CRACD: variants seen among roughly 807,000 people sequenced by gnomAD.
CRACD encodes the protein capping protein-inhibiting regulator of actin dynamics.
Under a neutral mutation model 106.8 loss-of-function variants are expected in CRACD, and 56 were observed. The ratio of observed to expected loss-of-function variants is 0.52; its 90% CI spans 0.42 to 0.66. The LOEUF is 0.66. Among genes scored for constraint, CRACD ranks in the 30% least tolerant of loss-of-function variants. The pLI, the probability that CRACD is intolerant of heterozygous loss-of-function variation, is 0.00. For missense variants in CRACD, 1,730 were observed against 1,623.2 expected, an observed-to-expected ratio of 1.07 and a Z score of -1.13; for synonymous variants, 754 against 670.8, an observed-to-expected ratio of 1.12 and a Z score of -1.92.
At chr4:56,130,770 A>C (rs564807438) in intron 1 of CRACD, among the ~76,000 whole-genome samples, 43 of 152,088 alleles carry the variant, frequency 2.8e-4, no homozygotes, top group Non-Finnish European at 5.4e-4. Flanking sequence ...AACCTTATTT[A>C]CATTTTCCTT....
chr4:56,083,382 A>AAAATAC (rs1733102102), intron 1 of CRACD, among the ~76,000 whole-genome samples: 1 of 152,236 alleles, frequency 6.6e-6, no homozygotes, highest in Admixed American at 6.5e-5. Context: ...GGCTGCCAAA[A>AAAATAC]GTGGTTATTT....
intron 1 of CRACD, among the ~76,000 whole-genome samples, chr4:56,108,495 C>T (rs906624249): frequency 2.0e-5 from 3 of 152,150 alleles, no homozygotes; most frequent in Admixed American, 6.5e-5. Context: ...GTGTTCTCCC[C>T]GTGTGCGGAG....
intron 1 of CRACD, among the ~76,000 whole-genome samples, chr4:56,064,362 G>T (rs1000391643): frequency 6.6e-6 from 1 of 152,214 alleles, no homozygotes; most frequent in Non-Finnish European, 1.5e-5. Flanking sequence ...GAATGTGAAA[G>T]AGGATTAATG....
chr4:56,314,374 A>C lies in CRACD; in HGVS notation c.872A>C (p.Gln291Pro). The C allele has an allele frequency of 6.5e-7, 1 of 1,544,356 alleles. No homozygotes were observed. The highest frequency in any genetic ancestry group is 8.7e-7 in the Non-Finnish European group (1 of 1,145,000). The change falls in exon 8 of 11, where the codon CAG (glutamine) becomes CCG (proline). Residue 291 changes from glutamine (Q) to proline (P), a missense_variant. Around this residue, in one of 5 missense-constraint regions of CRACD, gnomAD observed 1,620 missense variants for 1,481.6 expected, o/e 1.09. Coordinates refer to ENST00000682029, the MANE Select transcript of CRACD (RefSeq NM_001393381.1). The surrounding 1 kb of genome is among the most constrained non-coding windows in gnomAD (Gnocchi z 4.4). ...GCGGAAAGGGCGCCGCGGGAAGAGC[A>C]GCAGCGGAGCCTGGAAGCGCCAGGT... Reference protein sequence around the residue: ...LEAERAPREEQQRSLEAPGWE... With the variant: ...LEAERAPREEPQRSLEAPGWE...
At chr4:56,197,240 GA>G (rs1737653654) in intron 2 of CRACD, among the ~76,000 whole-genome samples, 1 of 151,194 alleles carries the variant, frequency 6.6e-6, no homozygotes, top group East Asian at 1.9e-4. Flanking sequence ...TCGATGATTG[GA>G]TTTATCACAC....
At chr4:56,239,981 GT>G (rs1312406644) in intron 2 of CRACD, among the ~76,000 whole-genome samples, 1 of 151,622 alleles carries the variant, frequency 6.6e-6, no homozygotes, top group East Asian at 1.9e-4. Flanking sequence ...CCTATGACAG[GT>G]TTTTTTTAAC....
chr4:56,192,640 C>A (rs1295490723), intron 2 of CRACD, among the ~76,000 whole-genome samples: 10 of 151,898 alleles, frequency 6.6e-5, no homozygotes, highest in Non-Finnish European at 1.3e-4. Flanking sequence ...CTAATATATA[C>A]CATATCATGA....
intron 1 of CRACD, among the ~76,000 whole-genome samples, chr4:56,077,423 A>C (rs1393080033): frequency 6.6e-6 from 1 of 152,188 alleles, no homozygotes; most frequent in East Asian, 1.9e-4. Context: ...GCACAGCCAA[A>C]CCATATCATT....
intron 6 of CRACD, chr4:56,311,016 G>A (rs1745125582): frequency 2.5e-6 from 1 of 393,686 alleles, no homozygotes. Flanking sequence ...AAAGGATCAT[G>A]TACTTCAAGA....
intron 2 of CRACD, among the ~76,000 whole-genome samples, chr4:56,240,325 G>C (rs1740290916): frequency 6.6e-6 from 1 of 152,078 alleles, no homozygotes. Context: ...ACTGGGGAGG[G>C]GGAGTAGGGT....
chr4:56,161,308 A>G (rs746974003), intron 1 of CRACD, among the ~76,000 whole-genome samples: 4 of 152,278 alleles, frequency 2.6e-5, no homozygotes, highest in Non-Finnish European at 5.9e-5. Context: ...GAAAGAAAGA[A>G]CTGTTTCATT....
rs1365273805 is a variant in CRACD at position 56,329,733 on chromosome 4, C to A, written c.*1929C>A. Among the ~76,000 whole-genome samples, 2 of 152,280 alleles carry A rather than the reference C, an allele frequency of 1.3e-5. No individual in the cohort carries two copies. Among genetic ancestry groups the A allele is most frequent in the Non-Finnish European group, 2.9e-5 (2 of 68,026 alleles). On this transcript the variant is annotated 3_prime_UTR_variant, in exon 11 of 11. Transcript: ENST00000682029. The stretch of plus-strand genomic sequence containing the variant: ...ACACTTTTTAATGGGAATCTTTCCA[C>A]CTACAGCCCTGGAATGATAATGCTA...
chr4:56,182,013 A>C (rs1333617529), intron 2 of CRACD, among the ~76,000 whole-genome samples: 5 of 152,180 alleles, frequency 3.3e-5, no homozygotes, highest in African/African-American at 1.2e-4. Flanking sequence ...AGATATTACT[A>C]TTCCCATCTT....
At position 56,151,687 on chromosome 4, in the gene CRACD, G is replaced by T. The variant is rs1238450890; in HGVS notation, c.-335-27597G>T. ...CGAAAAGATTCAGTTCAGGTTGCAT[G>T]TTGTATTTAGTTGCCATGTCTCTGT... is the stretch of plus-strand genomic sequence containing the variant. On this transcript the variant is annotated intron_variant, in intron 1 of 10. Coordinates refer to ENST00000682029, the MANE Select transcript of CRACD (RefSeq NM_001393381.1). 2.6e-5 allele frequency among the ~76,000 whole-genome samples: 4 copies of T among 151,904 alleles called. No homozygotes were observed. The East Asian group carries it at 7.7e-4, about 29-fold the overall frequency.
At chr4:56,165,340 T>G (rs375729148) in intron 1 of CRACD, among the ~76,000 whole-genome samples, 2 of 152,322 alleles carry the variant, frequency 1.3e-5, no homozygotes, top group East Asian at 3.9e-4. Flanking sequence ...ATCTACAGGA[T>G]GGCTAACAGC....
At chr4:56,257,899 G>A (rs923320181) in intron 2 of CRACD, among the ~76,000 whole-genome samples, 8 of 151,768 alleles carry the variant, frequency 5.3e-5, no homozygotes, top group African/African-American at 7.3e-5. Flanking sequence ...GTGAAACCCC[G>A]TCTCTACTTA....
intron 2 of CRACD, among the ~76,000 whole-genome samples, chr4:56,254,318 G>A (rs1271228412): frequency 6.6e-6 from 1 of 151,896 alleles, no homozygotes; most frequent in Non-Finnish European, 1.5e-5. Context: ...TAGCCAGACA[G>A]GACTGTCCCA....
intron 4 of CRACD, among the ~76,000 whole-genome samples, chr4:56,299,554 C>T (rs542569610): frequency 6.3e-4 from 96 of 152,138 alleles, no homozygotes; most frequent in African/African-American, 2.1e-3. Context: ...CCTGTAGTCC[C>T]AGCTTCTCAG....
At chr4:56,206,755 C>T (rs182793455) in intron 2 of CRACD, among the ~76,000 whole-genome samples, 3 of 152,278 alleles carry the variant, frequency 2.0e-5, no homozygotes, top group East Asian at 3.9e-4. Flanking sequence ...CTTTTGGTCA[C>T]GTTGTCCCTT....
Sources: allele counts gnomAD v4.1 joint callset (sites outside exome capture counted in the v4.1 genomes callset), GRCh38; gene constraint gnomAD v4.1.1; regional missense constraint gnomAD v4.1.1; non-coding constraint Gnocchi (gnomAD v3.1); transcripts MANE v1.5; gene names NCBI Gene and HGNC (gene_info 2026-07-23, HGNC 2026-07-21).